The following KIAA0825 variants were observed in gnomAD, a reference collection of about 807,000 sequenced individuals.
The protein encoded by KIAA0825 is uncharacterized protein KIAA0825.
KIAA0825 carries 119 observed loss-of-function variants against 147.6 expected under a neutral mutation model. The observed-to-expected ratio is 0.81, with a 90% CI of 0.69 to 0.94. The LOEUF (loss-of-function observed/expected upper bound fraction) is 0.94, where lower values mean the gene tolerates loss of function less well. Ranked by LOEUF, KIAA0825 falls within the 40% of genes least tolerant of loss-of-function variation. KIAA0825 has a pLI of 0.00. For synonymous variants in KIAA0825, 470 were observed against 518.1 expected, an observed-to-expected ratio of 0.91 and a Z score of 1.26; for missense variants, 1,381 against 1,472.7, an observed-to-expected ratio of 0.94 and a Z score of 1.02.
chr5:94,206,695 AGGT>A (rs1772232406), intron 20 of KIAA0825, among the ~76,000 whole-genome samples: 1 of 152,162 alleles, frequency 6.6e-6, no homozygotes, highest in Admixed American at 6.6e-5. Context: ...TACACATCAA[AGGT>A]TTCCTGAAAC....
intron 3 of KIAA0825, among the ~76,000 whole-genome samples, chr5:94,533,168 C>A (rs1771215849): frequency 6.6e-6 from 1 of 150,720 alleles, no homozygotes; most frequent in African/African-American, 2.4e-5. Flanking sequence ...TTAGTAGAGG[C>A]AGGGTTTCAC....
chr5:94,172,201 TAC>T (rs1469875791), intron 20 of KIAA0825, among the ~76,000 whole-genome samples: 1 of 152,130 alleles, frequency 6.6e-6, no homozygotes, highest in African/African-American at 2.4e-5. Flanking sequence ...GCCCAGAGAG[TAC>T]AGTTTGTCAC....
At chr5:94,332,689 G>A (rs1294844183) in intron 20 of KIAA0825, among the ~76,000 whole-genome samples, 1 of 152,090 alleles carries the variant, frequency 6.6e-6, no homozygotes, top group African/African-American at 2.4e-5. Flanking sequence ...AAACATACGT[G>A]TGCATGTGTC....
intron 20 of KIAA0825, among the ~76,000 whole-genome samples, chr5:94,363,627 TG>T (rs1745385213): frequency 6.6e-6 from 1 of 152,208 alleles, no homozygotes; most frequent in Non-Finnish European, 1.5e-5. Context: ...AGCTTACGCC[TG>T]TAATCCCAGT....
intron 20 of KIAA0825, among the ~76,000 whole-genome samples, chr5:94,174,728 G>T (rs1768931206): frequency 6.6e-6 from 1 of 152,042 alleles, no homozygotes; most frequent in Admixed American, 6.6e-5. Flanking sequence ...AATTTATTCA[G>T]CTTTCTTCCT....
chr5:94,334,821 T>A (rs1781645409), intron 20 of KIAA0825, among the ~76,000 whole-genome samples: 1 of 152,188 alleles, frequency 6.6e-6, no homozygotes, highest in Non-Finnish European at 1.5e-5. Flanking sequence ...ATCATGGTAA[T>A]GGAAAGTCAC....
intron 20 of KIAA0825, among the ~76,000 whole-genome samples, chr5:94,280,314 T>C (rs777166032): frequency 4.6e-5 from 7 of 152,068 alleles, no homozygotes; most frequent in Non-Finnish European, 8.8e-5. Flanking sequence ...AATACAGTTT[T>C]TTATCTTATG....
chr5:94,276,530 G>A (rs906874244), intron 20 of KIAA0825, among the ~76,000 whole-genome samples: 6 of 151,704 alleles, frequency 4.0e-5, no homozygotes, highest in South Asian at 4.2e-4. Flanking sequence ...TCGCTATGCC[G>A]CTTATAATAT....
chr5:94,202,242 G>T (rs997154352), intron 20 of KIAA0825, among the ~76,000 whole-genome samples: 7 of 152,128 alleles, frequency 4.6e-5, no homozygotes, highest in Admixed American at 4.6e-4. Flanking sequence ...GCACACAAAT[G>T]TAAGGATTAT....
At position 94,471,472 on chromosome 5, in the gene KIAA0825, G is replaced by T; in HGVS notation, c.1715C>A (p.Thr572Asn). 1 of 1,551,590 alleles carries T rather than the reference G, an allele frequency of 6.4e-7. No homozygotes were observed. The highest frequency in any genetic ancestry group is 8.7e-7 in the Non-Finnish European group (1 of 1,146,870). Residue 572 changes from threonine to asparagine, a missense_variant, in exon 9 of 21, where the codon ACT becomes AAT. Physicochemically the swap from Thr to Asn is moderately conservative, Grantham distance 65. Transcript: ENST00000682413. ...TAATTTAAACAACACTCACTTTTTA[G>T]TCATTTCCTTCATCAAATTATCATA... Reference protein sequence around the residue: ...KRYDNLMKEMTKKPIFLVLVQ... With the variant: ...KRYDNLMKEMNKKPIFLVLVQ...
intron 1 of KIAA0825, among the ~76,000 whole-genome samples, chr5:94,605,420 C>T (rs938202754): frequency 5.3e-5 from 8 of 152,194 alleles, no homozygotes; most frequent in Non-Finnish European, 1.2e-4. Flanking sequence ...TTCTATGAGG[C>T]CAGCATCATC....
intron 20 of KIAA0825, among the ~76,000 whole-genome samples, chr5:94,170,032 CTA>C (rs1768456196): frequency 6.6e-6 from 1 of 152,120 alleles, no homozygotes. Flanking sequence ...CTCTAAGTCT[CTA>C]TGTTTCATAT....
chr5:94,157,756 C>G (rs573288060), intron 20 of KIAA0825, among the ~76,000 whole-genome samples: 1 of 152,268 alleles, frequency 6.6e-6, no homozygotes, highest in South Asian at 2.1e-4. Context: ...AATAACTATT[C>G]TAGTGATCAG....
intron 2 of KIAA0825, among the ~76,000 whole-genome samples, chr5:94,575,802 G>A (rs967701430): frequency 6.6e-6 from 1 of 152,152 alleles, no homozygotes; most frequent in Non-Finnish European, 1.5e-5. Flanking sequence ...CTGAGGAGTG[G>A]GTGACTACTA....
At chr5:94,350,679 A>G (rs1229509698) in intron 20 of KIAA0825, among the ~76,000 whole-genome samples, 1 of 152,212 alleles carries the variant, frequency 6.6e-6, no homozygotes, top group Non-Finnish European at 1.5e-5. Context: ...AACAGTAATC[A>G]TATGATCATC....
chr5:94,227,400 G>C (rs1406027169), intron 20 of KIAA0825, among the ~76,000 whole-genome samples: 1 of 151,892 alleles, frequency 6.6e-6, no homozygotes, highest in African/African-American at 2.4e-5. Flanking sequence ...ACTGTTGTGG[G>C]GTGGGGGAAG....
At chr5:94,605,959 G>C (rs1342237987) in intron 1 of KIAA0825, among the ~76,000 whole-genome samples, 1 of 152,220 alleles carries the variant, frequency 6.6e-6, no homozygotes, top group East Asian at 1.9e-4. Context: ...AATAGGAACA[G>C]AGGAAGTCAA....
At chr5:94,412,913 T>C (rs1386889959) in intron 15 of KIAA0825, 1 of 151,844 alleles carries the variant, frequency 6.6e-6, no homozygotes, top group Non-Finnish European at 1.5e-5. Context: ...ATGCAGGTTC[T>C]GTGGGGCTGA....
chr5:94,475,289 T>C (rs1761739754), intron 7 of KIAA0825, among the ~76,000 whole-genome samples: 1 of 152,156 alleles, frequency 6.6e-6, no homozygotes, highest in African/African-American at 2.4e-5. Context: ...GTTTTCCCTA[T>C]CAGGGCATGT....
Sources: gnomAD v4.1 joint callset for allele counts (sites outside exome capture counted in the v4.1 genomes callset) on GRCh38, gnomAD v4.1.1 for gene constraint, MANE v1.5 for transcripts, NCBI Gene and HGNC (gene_info 2026-07-23, HGNC 2026-07-21) for gene names.